The following SPMIP7 variants were observed in gnomAD, a reference collection of about 807,000 sequenced individuals.
The protein encoded by SPMIP7 is sperm microtubule inner protein 7.
chr7:50,115,240 G>A, the SPMIP7 span, among the ~76,000 whole-genome samples: 6 of 152,024 alleles, frequency 3.9e-5, no homozygotes, highest in Non-Finnish European at 8.8e-5. Flanking sequence ...CAATAGGAAA[G>A]GGATCAATCC....
At chr7:50,125,585 GGTGTGTGT>G in the SPMIP7 span, among the ~76,000 whole-genome samples, 88 of 140,896 alleles carry the variant, frequency 6.2e-4, no homozygotes, top group East Asian at 4.3e-3. Context: ...AAGAAAATAT[GGTGTGTGT>G]GTGTGTGTGT....
the SPMIP7 span, among the ~76,000 whole-genome samples, chr7:50,107,018 C>T: frequency 6.6e-6 from 1 of 152,246 alleles, no homozygotes; most frequent in South Asian, 2.1e-4. Context: ...GGGCGGATCA[C>T]CTGAGGTCAG....
At chr7:50,116,547 T>C in the SPMIP7 span, among the ~76,000 whole-genome samples, 1 of 152,238 alleles carries the variant, frequency 6.6e-6, no homozygotes, top group Non-Finnish European at 1.5e-5. Context: ...TGAAACTGTA[T>C]TCAAGAATCC....
chr7:50,137,760 A>G, the SPMIP7 span, among the ~76,000 whole-genome samples: 1 of 152,134 alleles, frequency 6.6e-6, no homozygotes, highest in Non-Finnish European at 1.5e-5. Flanking sequence ...CTGATTACTA[A>G]CGATCAGTTT....
At chr7:50,145,612 GTGTGTGTATATATATATATATATATATA>G in the SPMIP7 span, among the ~76,000 whole-genome samples, 22 of 36,898 alleles carry the variant, frequency 6.0e-4, no homozygotes, top group South Asian at 0.013. Flanking sequence ...GTGTGTATAT[GTGTGTGTATATATATATATATATATATA>G]TATATATATA....
chr7:50,134,070 T>A, the SPMIP7 span: 2 of 1,496,640 alleles, frequency 1.3e-6, no homozygotes. Context: ...CAATTGAATA[T>A]GCTTTTCATA....
the SPMIP7 span, among the ~76,000 whole-genome samples, chr7:50,155,713 T>C: frequency 6.6e-6 from 1 of 151,312 alleles, no homozygotes; most frequent in Non-Finnish European, 1.5e-5. Context: ...CCAGAGAATA[T>C]AACTTGTATC....
chr7:50,120,040 G>A, the SPMIP7 span, among the ~76,000 whole-genome samples: 3 of 152,328 alleles, frequency 2.0e-5, no homozygotes, highest in East Asian at 3.9e-4. Context: ...GGGGCCTGCA[G>A]ACACATTGGG....
chr7:50,145,620 A>ATG, the SPMIP7 span, among the ~76,000 whole-genome samples: 200 of 48,042 alleles, frequency 4.2e-3, 5 homozygotes, highest in African/African-American at 0.019. Flanking sequence ...ATGTGTGTGT[A>ATG]TATATATATA....
the SPMIP7 span, chr7:50,104,407 G>T: frequency 8.1e-6 from 12 of 1,485,410 alleles, no homozygotes; most frequent in African/African-American, 1.4e-5. Context: ...GAGGCAACAT[G>T]TACAGTAAGA....
chr7:50,136,876 TTATG>T, the SPMIP7 span, among the ~76,000 whole-genome samples: 1 of 152,224 alleles, frequency 6.6e-6, no homozygotes, highest in South Asian at 2.1e-4. Flanking sequence ...TTTGAATATT[TTATG>T]TACACAAAAA....
the SPMIP7 span, among the ~76,000 whole-genome samples, chr7:50,118,338 C>A: frequency 6.6e-6 from 1 of 152,132 alleles, no homozygotes; most frequent in Non-Finnish European, 1.5e-5. Context: ...ACAGCATGAT[C>A]CAAATTATGA....
At chr7:50,120,221 G>A in the SPMIP7 span, 1 of 152,194 alleles carries the variant, frequency 6.6e-6, no homozygotes, top group African/African-American at 2.4e-5. Flanking sequence ...AAAGTGGAAT[G>A]AAGATAAGTT....
the SPMIP7 span, among the ~76,000 whole-genome samples, chr7:50,143,705 TAAAGAA>T: frequency 6.6e-6 from 1 of 152,326 alleles, no homozygotes; most frequent in Non-Finnish European, 1.5e-5. Flanking sequence ...ATCTGATCAT[TAAAGAA>T]AAAGTATAGA....
the SPMIP7 span, among the ~76,000 whole-genome samples, chr7:50,122,978 A>T: frequency 7.2e-4 from 105 of 146,836 alleles, no homozygotes; most frequent in African/African-American, 2.6e-3. Flanking sequence ...GGGACTGTAA[A>T]CTAGTTCAAC....
the SPMIP7 span, among the ~76,000 whole-genome samples, chr7:50,126,222 T>TA: frequency 0.51 from 77,346 of 151,626 alleles, 20,533 homozygotes; most frequent in East Asian, 0.73. Flanking sequence ...ATCATCAATA[T>TA]AAAAAATTAC....
At chr7:50,118,599 C>T in the SPMIP7 span, among the ~76,000 whole-genome samples, 1 of 152,242 alleles carries the variant, frequency 6.6e-6, no homozygotes, top group Middle Eastern at 3.4e-3. Flanking sequence ...AAAAGTATTT[C>T]CTTTATGGAG....
chr7:50,130,440 G>A, the SPMIP7 span, among the ~76,000 whole-genome samples: 6 of 152,022 alleles, frequency 3.9e-5, no homozygotes, highest in African/African-American at 9.7e-5. Context: ...CCACGAGAAC[G>A]GTATGGGGGA....
chr7:50,103,210 C>G, the SPMIP7 span, among the ~76,000 whole-genome samples: 7 of 151,816 alleles, frequency 4.6e-5, no homozygotes, highest in Admixed American at 2.0e-4. Context: ...GCTGTCCATC[C>G]TGATCTCAAA....
Sources: allele counts gnomAD v4.1 joint callset (sites outside exome capture counted in the v4.1 genomes callset), GRCh38; gene constraint gnomAD v4.1.1; transcripts MANE v1.5; gene names NCBI Gene and HGNC (gene_info 2026-07-23, HGNC 2026-07-21).